The following EVI5 variants were observed in gnomAD, a reference collection of about 807,000 sequenced individuals.
EVI5 encodes the protein ecotropic viral integration site 5 protein homolog.
In EVI5, 73 loss-of-function variants were observed where a neutral mutation model predicts 112.0. That is an observed-to-expected ratio of 0.65 (90% confidence interval 0.54 to 0.79). EVI5 has a LOEUF of 0.79. Among genes scored for constraint, EVI5 ranks in the 30% least tolerant of loss-of-function variants. The pLI, the probability that EVI5 is intolerant of heterozygous loss-of-function variation, is 0.00. For missense variants in EVI5, 900 were observed against 968.8 expected (o/e 0.93, Z 0.94); for synonymous variants, 305 against 319.9 (o/e 0.95, Z 0.50).
At chr1:92,703,226 C>A (rs1284816537) in intron 4 of EVI5, among the ~76,000 whole-genome samples, 169 bp downstream of exon 4, 1 of 151,926 alleles carries the variant, frequency 6.6e-6, no homozygotes, top group African/African-American at 2.4e-5. Context: ...GTTCTCTATA[C>A]TAGATAGTAA....
intron 9 of EVI5, among the ~76,000 whole-genome samples, chr1:92,693,198 T>C (rs977339267): frequency 2.0e-5 from 3 of 151,852 alleles, no homozygotes; most frequent in Non-Finnish European, 4.4e-5. Flanking sequence ...CAAAACAAAT[T>C]TTAAAATTAG....
At chr1:92,682,320 T>C (rs1000560202) in intron 9 of EVI5, among the ~76,000 whole-genome samples, 14 of 152,320 alleles carry the variant, frequency 9.2e-5, no homozygotes, top group African/African-American at 3.1e-4. Flanking sequence ...CATCTCTCCA[T>C]GTCCTTTATC....
At chr1:92,542,973 A>G (rs199763705) in intron 19 of EVI5, among the ~76,000 whole-genome samples, 2 of 152,182 alleles carry the variant, frequency 1.3e-5, no homozygotes, top group East Asian at 3.8e-4. Context: ...AGCACAGGCA[A>G]AGTAGATTTA....
chr1:92,706,866 T>C (rs1371954437), intron 2 of EVI5, among the ~76,000 whole-genome samples: 1 of 152,110 alleles, frequency 6.6e-6, no homozygotes, highest in Non-Finnish European at 1.5e-5. Context: ...AACAAAACTA[T>C]AAAACTCCTA....
intron 18 of EVI5, among the ~76,000 whole-genome samples, chr1:92,579,293 C>T (rs1011613183): frequency 6.6e-6 from 1 of 151,972 alleles, no homozygotes; most frequent in Admixed American, 6.6e-5. Flanking sequence ...GTTTATTTTG[C>T]CAAAAAATAT....
At chr1:92,694,671 G>T (rs1280556417) in intron 7 of EVI5, among the ~76,000 whole-genome samples, 1 of 152,208 alleles carries the variant, frequency 6.6e-6, no homozygotes, top group African/African-American at 2.4e-5. Context: ...AGGTGTGGAA[G>T]AATGGATTTC....
intron 19 of EVI5, among the ~76,000 whole-genome samples, chr1:92,552,094 T>C (rs1263036150): frequency 7.2e-6 from 1 of 138,490 alleles, no homozygotes; most frequent in Non-Finnish European, 1.5e-5. Flanking sequence ...GAAACACAGA[T>C]GTGTTCGAGG....
At chr1:92,764,329 G>A (rs1383383796) in intron 1 of EVI5, among the ~76,000 whole-genome samples, 1 of 152,118 alleles carries the variant, frequency 6.6e-6, no homozygotes, top group Non-Finnish European at 1.5e-5. Context: ...GACATTTCAC[G>A]TGAATAAATG....
At chr1:92,686,253 C>G (rs1668515045) in intron 9 of EVI5, among the ~76,000 whole-genome samples, 1 of 152,182 alleles carries the variant, frequency 6.6e-6, no homozygotes, top group Admixed American at 6.5e-5. Flanking sequence ...ATACGAAAAT[C>G]AATAAACATA....
chr1:92,591,988 A>G (rs1249774657), intron 18 of EVI5, among the ~76,000 whole-genome samples: 1 of 152,244 alleles, frequency 6.6e-6, no homozygotes, highest in East Asian at 1.9e-4. Context: ...TCACGCTTGT[A>G]ATCCCAGCAC....
At chr1:92,582,099 A>C (rs1672034745) in intron 18 of EVI5, among the ~76,000 whole-genome samples, 1 of 152,226 alleles carries the variant, frequency 6.6e-6, no homozygotes, top group East Asian at 1.9e-4. Context: ...ATACATTTAG[A>C]CTATACAGTA....
At chr1:92,786,150 T>C (rs1050385645), upstream of EVI5, among the ~76,000 whole-genome samples, 3 of 151,826 alleles carry the variant, frequency 2.0e-5, no homozygotes, top group African/African-American at 7.3e-5. Flanking sequence ...CGGAATTATT[T>C]GTCTAGAAAT....
intron 18 of EVI5, among the ~76,000 whole-genome samples, chr1:92,592,936 C>G (rs535664601): frequency 6.6e-6 from 1 of 152,090 alleles, no homozygotes; most frequent in Admixed American, 6.5e-5. Flanking sequence ...TAATAGCTTA[C>G]CAACCAAAAA....
At chr1:92,668,239 A>C (rs892173690) in intron 10 of EVI5, among the ~76,000 whole-genome samples, 3 of 152,210 alleles carry the variant, frequency 2.0e-5, no homozygotes, top group African/African-American at 7.2e-5. Context: ...AGATGATCTG[A>C]AATAGACATT....
At chr1:92,557,747 C>G (rs2100830830) in intron 19 of EVI5, among the ~76,000 whole-genome samples, 1 of 148,370 alleles carries the variant, frequency 6.7e-6, no homozygotes, top group African/African-American at 2.5e-5. Context: ...TTTCTTGAGA[C>G]AGGATCTCAC....
intron 2 of EVI5, among the ~76,000 whole-genome samples, chr1:92,729,440 A>G (rs1211548416): frequency 2.6e-5 from 4 of 152,220 alleles, no homozygotes; most frequent in Non-Finnish European, 4.4e-5. Context: ...CACAGACATT[A>G]CAAGGTGACA....
At chr1:92,559,097 C>T (rs1452921428) in intron 19 of EVI5, among the ~76,000 whole-genome samples, 1 of 152,120 alleles carries the variant, frequency 6.6e-6, no homozygotes, top group Non-Finnish European at 1.5e-5. Context: ...TTCCTGTATA[C>T]TTCAAATCAT....
intron 19 of EVI5, among the ~76,000 whole-genome samples, chr1:92,528,134 G>A (rs1287311786): frequency 6.6e-6 from 1 of 152,138 alleles, no homozygotes; most frequent in East Asian, 1.9e-4. Context: ...TGACCACACT[G>A]AATAACTTAA....
At chr1:92,591,515 A>C (rs1382221359) in intron 18 of EVI5, among the ~76,000 whole-genome samples, 1 of 152,246 alleles carries the variant, frequency 6.6e-6, no homozygotes, top group Non-Finnish European at 1.5e-5. Context: ...GAGACAAAGA[A>C]GGCCATTACA....
Sources: gnomAD v4.1 joint callset for allele counts (sites outside exome capture counted in the v4.1 genomes callset) on GRCh38, gnomAD v4.1.1 for gene constraint, MANE v1.5 for transcripts, NCBI Gene and HGNC (gene_info 2026-07-23, HGNC 2026-07-21) for gene names.